MYT1L: variants seen among roughly 807,000 people sequenced by gnomAD.
MYT1L encodes myelin transcription factor 1-like protein.
MYT1L carries 12 observed loss-of-function variants against 126.7 expected under a neutral mutation model. The observed-to-expected ratio is 0.09, with a 90% CI of 0.06 to 0.15. The LOEUF is 0.15. MYT1L is among the 10% of genes least tolerant of loss of function. MYT1L has a pLI of 1.00. For missense variants in MYT1L, 979 were observed against 1,585.2 expected (o/e 0.62, Z 6.49); for synonymous variants, 541 against 604.2 (o/e 0.90, Z 1.53).
intron 8 of MYT1L, among the ~76,000 whole-genome samples, chr2:1,956,520 T>TCTAG (rs1288310752): frequency 6.2e-5 from 8 of 128,438 alleles, no homozygotes; most frequent in Non-Finnish European, 8.5e-5. Context: ...TATCTATCTA[T>TCTAG]CTATCTATCT....
intron 8 of MYT1L, among the ~76,000 whole-genome samples, chr2:1,968,669 G>A (rs898178606): frequency 2.0e-5 from 3 of 152,142 alleles, no homozygotes; most frequent in Admixed American, 6.5e-5. Flanking sequence ...AGCCTGCCAG[G>A]CCCCCAGGCA....
intron 18 of MYT1L, among the ~76,000 whole-genome samples, chr2:1,856,802 C>T (rs759467449): frequency 2.6e-5 from 4 of 152,198 alleles, no homozygotes. Flanking sequence ...AATGGATGCT[C>T]ACAGTACAGC....
chr2:1,876,975 T>C (rs185229047), intron 18 of MYT1L, among the ~76,000 whole-genome samples: 1 of 152,344 alleles, frequency 6.6e-6, no homozygotes, highest in East Asian at 1.9e-4. Context: ...AGTCTCCTTA[T>C]GACCAGGGTC....
In MYT1L at chr2:2,070,333, T is replaced by C. The variant is rs114906359; in HGVS notation, c.-303-16210A>G. ...TGTCTATCCATCCAACTGTCTAACC[T>C]GCGTTGCGACACCACCTCTCACCCC... is the stretch of plus-strand genomic sequence containing the variant. On this transcript the variant is annotated intron_variant, in intron 3 of 24. Transcript: ENST00000647738. Among the ~76,000 whole-genome samples the C allele has an allele frequency of 3.1e-3, 470 of 152,304 alleles. 4 individuals are homozygous for C. The highest frequency in any genetic ancestry group is 0.011 in the African/African-American group (458 of 41,580).
In MYT1L at chr2:1,824,006, C is replaced by G. The variant is rs1031367800; in HGVS notation, c.3081-14839G>C. On this transcript the variant is annotated intron_variant, in intron 21 of 24. Coordinates refer to ENST00000647738, the MANE Select transcript of MYT1L (RefSeq NM_001303052.2). ...TGGGATGAGGCCGCGCCTCCCCCCC[C>G]AGCGGGGCCGCCGGGCAGAGGTGAT... Among the ~76,000 whole-genome samples, 466 of 151,326 alleles carry G rather than the reference C, an allele frequency of 3.1e-3. 5 individuals are homozygous for G. Among genetic ancestry groups the G allele is most frequent in the Non-Finnish European group, 4.5e-3 (302 of 67,856 alleles).
At chr2:1,815,525 G>C (rs964892354) in intron 21 of MYT1L, among the ~76,000 whole-genome samples, 1 of 152,234 alleles carries the variant, frequency 6.6e-6, no homozygotes, top group Non-Finnish European at 1.5e-5. Flanking sequence ...AGGGATGTCT[G>C]TTGCGTGAAT....
chr2:1,855,094 A>G (rs1225913502), intron 18 of MYT1L, among the ~76,000 whole-genome samples: 1 of 152,310 alleles, frequency 6.6e-6, no homozygotes, highest in Non-Finnish European at 1.5e-5. Context: ...GTTACTGTTC[A>G]AGAATTTAAG....
At chr2:2,119,922 CAG>C (rs996571069) in intron 3 of MYT1L, among the ~76,000 whole-genome samples, 4 of 151,972 alleles carry the variant, frequency 2.6e-5, no homozygotes, top group Admixed American at 2.6e-4. Context: ...GGAAATATGA[CAG>C]AGAAAAGAAA....
chr2:1,821,751 C>T (rs566072839), intron 21 of MYT1L, among the ~76,000 whole-genome samples: 2 of 152,250 alleles, frequency 1.3e-5, no homozygotes, highest in African/African-American at 2.4e-5. Context: ...TCTGGAGTGG[C>T]GGGGAGTGGA....
intron 1 of MYT1L, among the ~76,000 whole-genome samples, chr2:2,301,954 G>A (rs1456017740): frequency 6.6e-6 from 1 of 152,030 alleles, no homozygotes; most frequent in Non-Finnish European, 1.5e-5. Flanking sequence ...TTATGTGTCA[G>A]GCACTAAGTT....
intron 2 of MYT1L, among the ~76,000 whole-genome samples, chr2:2,189,598 T>TA (rs1491409195): frequency 6.6e-6 from 1 of 152,212 alleles, no homozygotes; most frequent in Non-Finnish European, 1.5e-5. Context: ...TTTTAATAAC[T>TA]AAAAAGCAAA....
At chr2:2,021,309 G>A (rs985908343) in intron 4 of MYT1L, among the ~76,000 whole-genome samples, 1 of 152,136 alleles carries the variant, frequency 6.6e-6, no homozygotes, top group African/African-American at 2.4e-5. Context: ...TGGGAGGTGG[G>A]CAGGGGAAGG....
intron 1 of MYT1L, among the ~76,000 whole-genome samples, chr2:2,329,519 T>A (rs1325088563): frequency 6.6e-6 from 1 of 152,194 alleles, no homozygotes; most frequent in Non-Finnish European, 1.5e-5. Flanking sequence ...TCATAATCTA[T>A]CAGAATTTTA....
intron 4 of MYT1L, among the ~76,000 whole-genome samples, chr2:2,001,539 G>A (rs943258520): frequency 4.6e-5 from 7 of 152,202 alleles, no homozygotes; most frequent in African/African-American, 1.7e-4. Flanking sequence ...AAGTGAGTGA[G>A]AGCGTCTCTG....
rs1046345838 is a variant in MYT1L, at chr2:1,848,889, A to G, written c.2774+2752T>C. Among the ~76,000 whole-genome samples the G allele has an allele frequency of 9.9e-5, 15 of 152,220 alleles. No individual in the cohort carries two copies. Among genetic ancestry groups the G allele is most frequent in the African/African-American group, 3.4e-4 (14 of 41,462 alleles). On this transcript the variant is annotated intron_variant, in intron 19 of 24. Coordinates refer to ENST00000647738, the MANE Select transcript of MYT1L (RefSeq NM_001303052.2). The surrounding 1 kb of genome is among the most constrained non-coding windows in gnomAD (Gnocchi z 4.8). ...TGTTACTAGAACAAGTAACGTCACAAGGTGCTCCACCTTCAGTACGCTAAA... is the reference window on the plus strand; with the variant it reads ...TGTTACTAGAACAAGTAACGTCACAGGGTGCTCCACCTTCAGTACGCTAAA...
chr2:1,947,045 A>G (rs777140769), intron 8 of MYT1L, among the ~76,000 whole-genome samples: 7 of 152,094 alleles, frequency 4.6e-5, no homozygotes, highest in African/African-American at 7.2e-5. Context: ...CAGTGCATCA[A>G]TATGTTTGTC....
intron 5 of MYT1L, among the ~76,000 whole-genome samples, chr2:1,996,558 C>T (rs1473298903): frequency 7.1e-6 from 1 of 141,522 alleles, no homozygotes; most frequent in Admixed American, 7.0e-5. Flanking sequence ...TGCACAGAAC[C>T]GAGTGTAGAC....
intron 2 of MYT1L, among the ~76,000 whole-genome samples, chr2:2,240,398 A>T (rs71442326): frequency 0.07 from 10,424 of 148,462 alleles, 594 homozygotes; most frequent in South Asian, 0.21. Flanking sequence ...ACTCATTTTT[A>T]AAAAAAAAGA....
chr2:2,283,686 C>A (rs374494393), intron 2 of MYT1L, among the ~76,000 whole-genome samples: 2 of 152,164 alleles, frequency 1.3e-5, no homozygotes, highest in South Asian at 4.1e-4. Context: ...CAAACCTACA[C>A]GTGGTCAGGC....
Sources: gnomAD v4.1 joint callset for allele counts (sites outside exome capture counted in the v4.1 genomes callset) on GRCh38, gnomAD v4.1.1 for gene constraint, Gnocchi (gnomAD v3.1) non-coding constraint, MANE v1.5 for transcripts, NCBI Gene and HGNC (gene_info 2026-07-23, HGNC 2026-07-21) for gene names.